The following IL15RA variants were observed in gnomAD, a reference collection of about 807,000 sequenced individuals.
The protein encoded by IL15RA is interleukin-15 receptor subunit alpha.
A neutral mutation model predicts 24.2 loss-of-function variants in IL15RA; 26 were observed. The ratio of observed to expected loss-of-function variants is 1.07; its 90% CI spans 0.79 to 1.49. The LOEUF (loss-of-function observed/expected upper bound fraction) is 1.49. IL15RA is among the 40% of genes most tolerant of loss of function. The pLI is 0.00. For synonymous variants in IL15RA, 166 were observed against 157.6 expected (o/e 1.05, Z -0.40); for missense variants, 354 against 356.4 (o/e 0.99, Z 0.05).
rs1022196234 is a variant in IL15RA, at chr10:5,973,791, C to T, written c.88+3614G>A. On this transcript the variant is annotated intron_variant, in intron 1 of 6. Coordinates refer to ENST00000379977, the MANE Select transcript of IL15RA (RefSeq NM_002189.4). The surrounding 1 kb of genome is among the most constrained non-coding windows in gnomAD (Gnocchi z 4.5). ...TATTTCTTAGATATGACACCAAAAG[C>T]CCAAAACACAACATAACAAATTAAT... Among the ~76,000 whole-genome samples, 10 of 152,064 alleles carry T rather than the reference C, an allele frequency of 6.6e-5. No individual in the cohort carries two copies. Among genetic ancestry groups the T allele is most frequent in the Non-Finnish European group, 1.5e-4 (10 of 68,010 alleles).
chr10:5,975,807 C>T lies in IL15RA; in HGVS notation c.88+1598G>A, dbSNP rs1485861391. Among the ~76,000 whole-genome samples, 3 of 152,136 alleles carry T rather than the reference C, an allele frequency of 2.0e-5. No individual in the cohort carries two copies. The highest frequency in any genetic ancestry group is 4.4e-5 in the Non-Finnish European group (3 of 68,018). On this transcript the variant is annotated intron_variant, in intron 1 of 6. Transcript: ENST00000379977. This position sits in a 1 kb window ranked among gnomAD's most constrained non-coding sequence, Gnocchi z 4.8. ...ACTCAGGAGGCTGAGGCAGCAGAAT[C>T]GCTTGAACCCAGGAGGCGGAGGTTG...
At chr10:5,974,265 G>T (rs1043533587) in intron 1 of IL15RA, among the ~76,000 whole-genome samples, 1 of 152,158 alleles carries the variant, frequency 6.6e-6, no homozygotes, top group Admixed American at 6.5e-5. Flanking sequence ...CTCCCAAAGT[G>T]CTGGGATTAC....
chr10:5,965,084 C>T lies in IL15RA; in HGVS notation c.283+1061G>A, dbSNP rs535409962. ...GCTATGGGGCCGCTCCATGCAGGGG[C>T]GCGCTCATCCCTGCCCCAGAGATGA... On this transcript the variant is annotated intron_variant, in intron 2 of 6. Coordinates refer to ENST00000379977, the MANE Select transcript of IL15RA (RefSeq NM_002189.4). The surrounding 1 kb of genome is among the most constrained non-coding windows in gnomAD (Gnocchi z 5.8). Among the ~76,000 whole-genome samples, 7 of 152,194 alleles carry T rather than the reference C, an allele frequency of 4.6e-5. No homozygotes were observed. Among genetic ancestry groups the T allele is most frequent in the Admixed American group, 3.9e-4 (6 of 15,290 alleles).
chr10:5,959,013 CT>C lies in IL15RA; in HGVS notation c.616+740del, dbSNP rs1835031745. Among the ~76,000 whole-genome samples the C allele has an allele frequency of 6.6e-6, 1 of 151,980 alleles. No individual in the cohort carries two copies. Among genetic ancestry groups the C allele is most frequent in the African/African-American group, 2.4e-5 (1 of 41,358 alleles). ...TCTCCTCCCCTCCCTTCAGCTTTTT[CT>C]TTTAGTCTTGTAAACGCTTTCCCCT... is the stretch of plus-strand genomic sequence containing the variant. On this transcript the variant is annotated intron_variant, in intron 5 of 6. Transcript: ENST00000379977. This position sits in a 1 kb window ranked among gnomAD's most constrained non-coding sequence, Gnocchi z 4.1.
Position 5,971,676 on chromosome 10 carries a change from A to G in IL15RA, c.89-5337T>C, listed in dbSNP as rs1355555125. Among the ~76,000 whole-genome samples, 1 of 152,174 alleles carries G rather than the reference A, an allele frequency of 6.6e-6. No homozygotes were observed. The highest frequency in any genetic ancestry group is 1.9e-4 in the East Asian group (1 of 5,194). The stretch of plus-strand genomic sequence containing the variant: ...CTCACTGTGGAGCTGGTGTACGGAA[A>G]AGGCAAAGGCCTCTGGCCTCACAGT... On this transcript the variant is annotated intron_variant, in intron 1 of 6. Coordinates refer to ENST00000379977, the MANE Select transcript of IL15RA (RefSeq NM_002189.4). This position sits in a 1 kb window ranked among gnomAD's most constrained non-coding sequence, Gnocchi z 5.5.
rs557777856 is a variant in IL15RA at position 5,963,756 on chromosome 10, G to C, written c.369C>G (p.Ser123=). The C allele has an allele frequency of 6.6e-7, 1 of 1,519,812 alleles. No individual in the cohort carries two copies. Among genetic ancestry groups the C allele is most frequent in the South Asian group, 1.3e-5 (1 of 74,960 alleles). 94.1% of individuals were successfully genotyped at this position (1,519,812 alleles called of 1,614,324 possible). The stretch of plus-strand genomic sequence containing the variant: ...TGACCTTCCTACCTTTTCCAGAAGG[G>C]GAGAGGCTCTCTGGCTGTGGGGTCA... ...AGVTPQPESL[S]PSGKEPAASS... Residue 123 remains serine (S), a synonymous_variant, in exon 3 of 7, where the codon TCC becomes TCG. Transcript: ENST00000379977. The surrounding 1 kb of genome is among the most constrained non-coding windows in gnomAD (Gnocchi z 5.3).
Position 5,957,883 on chromosome 10 carries a change from C to T in IL15RA, c.617-1429G>A, listed in dbSNP as rs183009877. Among the ~76,000 whole-genome samples, 769 of 152,258 alleles carry T rather than the reference C, an allele frequency of 5.1e-3. 8 individuals are homozygous for T. The highest frequency in any genetic ancestry group is 0.017 in the African/African-American group (696 of 41,532). ...TTGGAATTACAGGCATGAGCCACAG[C>T]GCCCGGCTGATTTTTTAATCTAATA... On this transcript the variant is annotated intron_variant, in intron 5 of 6. Coordinates refer to ENST00000379977, the MANE Select transcript of IL15RA (RefSeq NM_002189.4).
rs771934651 is a variant in IL15RA, at chr10:5,966,332, C to T, written c.96G>A (p.Thr32=). 16 of 1,605,334 alleles carry T rather than the reference C, an allele frequency of 1.0e-5. No homozygotes were observed. The highest frequency in any genetic ancestry group is 8.4e-5 in the Admixed American group (5 of 59,878). ...GTTCCACGGACATGGGGGGAGGGCA[C>T]GTGATGCCTGCGAAAGTGCAGAGGA... ...LLRPPATRGI[T]CPPPMSVEHA... is the part of the protein sequence containing the mutation. The change falls in exon 2 of 7, where the codon ACG becomes ACA. Residue 32 remains threonine, a synonymous_variant. Transcript: ENST00000379977. This position sits in a 1 kb window ranked among gnomAD's most constrained non-coding sequence, Gnocchi z 6.4.
chr10:5,955,119 G>A lies in IL15RA; in HGVS notation c.692+1260C>T. 6.8e-6 allele frequency among the ~76,000 whole-genome samples: 1 copy of A among 146,766 alleles called. No homozygotes were observed. The highest frequency in any genetic ancestry group is 2.0e-4 in the East Asian group (1 of 5,092). ...TCACATAATTTTTTTTTTTTTTTGA[G>A]ATGGAGTTTTGCTCTTGTTGCCCAG... On this transcript the variant is annotated intron_variant, in intron 6 of 6. Coordinates refer to ENST00000379977, the MANE Select transcript of IL15RA (RefSeq NM_002189.4). This position sits in a 1 kb window ranked among gnomAD's most constrained non-coding sequence, Gnocchi z 5.3.
chr10:5,954,270 G>A (rs746828559), intron 6 of IL15RA, among the ~76,000 whole-genome samples: 34 of 145,978 alleles, frequency 2.3e-4, no homozygotes, highest in Non-Finnish European at 4.9e-4. Context: ...AGACAACCAC[G>A]CCCAGCTAAC....
At chr10:5,972,412 C>T (rs1410010200) in intron 1 of IL15RA, among the ~76,000 whole-genome samples, 7 of 152,168 alleles carry the variant, frequency 4.6e-5, no homozygotes, top group Middle Eastern at 6.8e-3. Context: ...CTCGCTTTGT[C>T]GCCCAGGCTG....
intron 6 of IL15RA, 100 bp downstream of exon 6, chr10:5,956,279 T>A (rs1343411880): frequency 1.1e-6 from 1 of 906,822 alleles, no homozygotes; most frequent in African/African-American, 1.6e-5. Flanking sequence ...CCTCCCAAAG[T>A]GCTGGAATTC....
chr10:5,960,267 T>G lies in IL15RA; in HGVS notation c.583+100A>C. 8.2e-6 allele frequency: 9 copies of G among 1,099,308 alleles called. No individual in the cohort carries two copies. The highest frequency in any genetic ancestry group is 2.4e-5 in the East Asian group (1 of 42,292). 68.1% of individuals were successfully genotyped at this position (1,099,308 alleles called of 1,614,324 possible). A position where few individuals can be genotyped will look rare whatever the true frequency, so the allele number is the denominator to read the frequency against. On this transcript the variant is annotated intron_variant, in intron 4 of 6. Transcript: ENST00000379977. The surrounding 1 kb of genome is among the most constrained non-coding windows in gnomAD (Gnocchi z 5.1). ...GCAGGCTGCCCAGTGAATCCTGACT[T>G]TGGATTGATGGTATAAAGCTGCCTT...
chr10:5,974,808 C>G (rs1441768422), intron 1 of IL15RA, among the ~76,000 whole-genome samples: 1 of 151,984 alleles, frequency 6.6e-6, no homozygotes, highest in East Asian at 1.9e-4. Context: ...ACCCAGGAGG[C>G]AGAGGTTTCA....
Position 5,964,340 on chromosome 10 carries a change from T to C in IL15RA, c.284-499A>G, listed in dbSNP as rs1836127851. 6.6e-6 allele frequency among the ~76,000 whole-genome samples: 1 copy of C among 152,110 alleles called. No homozygotes were observed. Among genetic ancestry groups the C allele is most frequent in the African/African-American group, 2.4e-5 (1 of 41,424 alleles). ...TGCCCAGGTAATTTTTATCTTTTAA[T>C]TTTTTTGGTAGAGACAGGGTCTTGC... On this transcript the variant is annotated intron_variant, in intron 2 of 6. Transcript: ENST00000379977. The surrounding 1 kb of genome is among the most constrained non-coding windows in gnomAD (Gnocchi z 5.6).
chr10:5,968,824 C>G lies in IL15RA; in HGVS notation c.89-2485G>C. On this transcript the variant is annotated intron_variant, in intron 1 of 6. Coordinates refer to ENST00000379977, the MANE Select transcript of IL15RA (RefSeq NM_002189.4). This position sits in a 1 kb window ranked among gnomAD's most constrained non-coding sequence, Gnocchi z 5.4. Reference sequence around the variant, plus strand: ...TGGTGGTGGCACTGGGGGCAGTTTTCCATTGTCCTGAGTCTCACGCAGGCC... The same window carrying G: ...TGGTGGTGGCACTGGGGGCAGTTTTGCATTGTCCTGAGTCTCACGCAGGCC... 1 of 794,424 alleles carries G rather than the reference C, an allele frequency of 1.3e-6. No homozygotes were observed. Among genetic ancestry groups the G allele is most frequent in the Non-Finnish European group, 2.1e-6 (1 of 469,306 alleles). 49.2% of individuals were successfully genotyped at this position (794,424 alleles called of 1,614,324 possible). A position where few individuals can be genotyped will look rare whatever the true frequency, so the allele number is the denominator to read the frequency against.
At position 5,959,935 on chromosome 10, in the gene IL15RA, A is replaced by G. The variant is rs1835217598; in HGVS notation, c.584-149T>C. ...AACCAGACTCATTTTAGCAAAGAAC[A>G]AGCAGGGTAGCTCACTGAGGTGCTG... is the stretch of plus-strand genomic sequence containing the variant. On this transcript the variant is annotated intron_variant, in intron 4 of 6. Transcript: ENST00000379977. This position sits in a 1 kb window ranked among gnomAD's most constrained non-coding sequence, Gnocchi z 4.1. 2.8e-6 allele frequency: 2 copies of G among 715,000 alleles called. No individual in the cohort carries two copies. The highest frequency in any genetic ancestry group is 3.5e-5 in the African/African-American group (2 of 57,252). The allele number at this position is 715,000 out of a possible 1,614,324, so 44.3% of individuals were successfully genotyped here.
In IL15RA at chr10:5,963,439, C is replaced by T. The variant is rs778743626; in HGVS notation, c.382+304G>A. Among the ~76,000 whole-genome samples the T allele has an allele frequency of 6.6e-6, 1 of 152,230 alleles. No homozygotes were observed. Among genetic ancestry groups the T allele is most frequent in the Non-Finnish European group, 1.5e-5 (1 of 68,042 alleles). On this transcript the variant is annotated intron_variant, in intron 3 of 6. Transcript: ENST00000379977. This position sits in a 1 kb window ranked among gnomAD's most constrained non-coding sequence, Gnocchi z 5.3. Reference sequence around the variant, plus strand: ...TTGAGGGCTAACACACATGCAACCTCAAACCTCAGTCTGCTTTCAGTTCTT... The same window carrying T: ...TTGAGGGCTAACACACATGCAACCTTAAACCTCAGTCTGCTTTCAGTTCTT...
intron 6 of IL15RA, among the ~76,000 whole-genome samples, chr10:5,954,978 G>A (rs1183793404): frequency 9.2e-5 from 14 of 152,080 alleles, no homozygotes; most frequent in South Asian, 2.1e-4. Context: ...TTTATTGGTC[G>A]GGATGGTATT....
Sources: allele counts gnomAD v4.1 joint callset (sites outside exome capture counted in the v4.1 genomes callset), GRCh38; gene constraint gnomAD v4.1.1; non-coding constraint Gnocchi (gnomAD v3.1); transcripts MANE v1.5; gene names NCBI Gene and HGNC (gene_info 2026-07-23, HGNC 2026-07-21).